Variants in AFG2A observed in about 807,000 individuals in gnomAD.
The protein encoded by AFG2A is AAA ATPase AFG2A, also known as ATPase family gene 2 protein homolog A.
chr4:123,055,903 G>A, the AFG2A span, among the ~76,000 whole-genome samples: 1 of 152,166 alleles, frequency 6.6e-6, no homozygotes, highest in South Asian at 2.1e-4. Flanking sequence ...TATGTATGTG[G>A]TAAAAAAGAA....
At chr4:123,218,521 T>C in the AFG2A span, among the ~76,000 whole-genome samples, 1 of 152,214 alleles carries the variant, frequency 6.6e-6, no homozygotes, top group Admixed American at 6.5e-5. Flanking sequence ...GTGTTGCTTA[T>C]GTTTGATAAG....
the AFG2A span, among the ~76,000 whole-genome samples, chr4:123,244,393 C>G: frequency 6.6e-6 from 1 of 152,136 alleles, no homozygotes; most frequent in Non-Finnish European, 1.5e-5. Context: ...CACGCTGTTC[C>G]TCTCAGAGGA....
At chr4:123,046,504 A>AT in the AFG2A span, among the ~76,000 whole-genome samples, 2 of 151,990 alleles carry the variant, frequency 1.3e-5, no homozygotes, top group African/African-American at 4.8e-5. Context: ...TTATTTTTGT[A>AT]TTTTTTATTG....
At chr4:123,258,156 T>TA in the AFG2A span, among the ~76,000 whole-genome samples, 1 of 152,198 alleles carries the variant, frequency 6.6e-6, no homozygotes, top group Non-Finnish European at 1.5e-5. Context: ...AGTATATTAT[T>TA]ACAACTTCAT....
the AFG2A span, among the ~76,000 whole-genome samples, chr4:123,097,117 G>A: frequency 6.6e-6 from 1 of 152,048 alleles, no homozygotes; most frequent in East Asian, 1.9e-4. Context: ...TTATAGGTGT[G>A]CACCACAGCA....
chr4:123,251,765 G>T, the AFG2A span, among the ~76,000 whole-genome samples: 1 of 151,968 alleles, frequency 6.6e-6, no homozygotes, highest in Non-Finnish European at 1.5e-5. Context: ...ATGGAGTTTT[G>T]AATTCTTTGA....
chr4:123,162,551 T>A, the AFG2A span, among the ~76,000 whole-genome samples: 38 of 152,300 alleles, frequency 2.5e-4, no homozygotes, highest in Middle Eastern at 3.4e-3. Context: ...AGAACTTATG[T>A]CTATAAAATT....
At chr4:123,006,758 C>A in the AFG2A span, among the ~76,000 whole-genome samples, 2 of 151,996 alleles carry the variant, frequency 1.3e-5, no homozygotes, top group African/African-American at 2.4e-5. Flanking sequence ...CCTTTATTTG[C>A]ACAAAGGTAA....
chr4:123,139,008 A>G, the AFG2A span, among the ~76,000 whole-genome samples: 1 of 152,108 alleles, frequency 6.6e-6, no homozygotes, highest in Non-Finnish European at 1.5e-5. Context: ...AAATGTTCCT[A>G]TTAACCATGT....
the AFG2A span, among the ~76,000 whole-genome samples, chr4:122,954,253 C>T: frequency 2.0e-5 from 3 of 152,132 alleles, no homozygotes; most frequent in Non-Finnish European, 4.4e-5. Flanking sequence ...GAGTATAACA[C>T]CCTCCATCCC....
the AFG2A span, among the ~76,000 whole-genome samples, chr4:122,982,146 A>G: frequency 6.6e-6 from 1 of 152,194 alleles, no homozygotes; most frequent in African/African-American, 2.4e-5. Flanking sequence ...CTTGTCATAC[A>G]TATAGCGTTA....
chr4:123,016,928 C>T, the AFG2A span, among the ~76,000 whole-genome samples: 2 of 152,170 alleles, frequency 1.3e-5, no homozygotes, highest in East Asian at 1.9e-4. Context: ...GAGACCAGCC[C>T]GGCCAACACA....
chr4:123,073,300 T>A, the AFG2A span, among the ~76,000 whole-genome samples: 1 of 152,226 alleles, frequency 6.6e-6, no homozygotes, highest in African/African-American at 2.4e-5. Flanking sequence ...TGTATCTTTA[T>A]TACAGATTTT....
At chr4:123,143,968 C>T in the AFG2A span, among the ~76,000 whole-genome samples, 2 of 151,488 alleles carry the variant, frequency 1.3e-5, no homozygotes, top group Non-Finnish European at 1.5e-5. Flanking sequence ...ATGTTTTCAT[C>T]GTAATGCTAT....
chr4:123,081,823 T>C, the AFG2A span, among the ~76,000 whole-genome samples: 1 of 152,192 alleles, frequency 6.6e-6, no homozygotes, highest in African/African-American at 2.4e-5. Flanking sequence ...GCAACTTTCC[T>C]GATTTTGGCC....
At chr4:122,945,020 G>A in the AFG2A span, among the ~76,000 whole-genome samples, 4 of 152,146 alleles carry the variant, frequency 2.6e-5, no homozygotes, top group African/African-American at 4.8e-5. Context: ...GGAATACCCG[G>A]CCGTGTGAGG....
chr4:123,084,523 G>T, the AFG2A span, among the ~76,000 whole-genome samples: 1 of 150,550 alleles, frequency 6.6e-6, no homozygotes, highest in Non-Finnish European at 1.5e-5. Flanking sequence ...ACTTTGATAA[G>T]TTCTATTTAT....
chr4:123,163,643 C>G, the AFG2A span, among the ~76,000 whole-genome samples: 6 of 152,238 alleles, frequency 3.9e-5, no homozygotes, highest in African/African-American at 1.2e-4. Flanking sequence ...TACAGACTTA[C>G]GTGGATTGGA....
At chr4:122,938,380 T>A in the AFG2A span, 18 of 1,043,306 alleles carry the variant, frequency 1.7e-5, no homozygotes, top group South Asian at 2.9e-4. Flanking sequence ...CCATAGCAAC[T>A]AGGGGAAAGA....
Sources: gnomAD v4.1 joint callset for allele counts (sites outside exome capture counted in the v4.1 genomes callset) on GRCh38, gnomAD v4.1.1 for gene constraint, MANE v1.5 for transcripts, NCBI Gene and HGNC (gene_info 2026-07-23, HGNC 2026-07-21) for gene names.